OVCH1: variants seen among roughly 807,000 people sequenced by gnomAD.
OVCH1 encodes ovochymase 1, also known as ovochymase-1.
In OVCH1, 139 loss-of-function variants were observed where a neutral mutation model predicts 138.4. The ratio of observed to expected loss-of-function variants is 1.00; its 90% CI spans 0.87 to 1.16. The LOEUF is 1.16. Among genes scored for constraint, OVCH1 ranks in the 50% most tolerant of loss-of-function variants. The probability of loss-of-function intolerance (pLI) is 0.00; values close to 1 mark genes in which losing one functional copy is unlikely to be tolerated. For missense variants in OVCH1, 1,367 were observed against 1,357.9 expected (o/e 1.01, Z -0.11); for synonymous variants, 453 against 467.8 (o/e 0.97, Z 0.41).
intron 22 of OVCH1, among the ~76,000 whole-genome samples, chr12:29,449,076 G>C (rs1290011960): frequency 1.3e-5 from 2 of 152,092 alleles, no homozygotes; most frequent in Non-Finnish European, 2.9e-5. Flanking sequence ...GGGCTGGCAT[G>C]TTTTCACCAA....
chr12:29,462,084 G>C lies in OVCH1; in HGVS notation c.2126-76C>G, dbSNP rs932746894. ...GTTGTTAGAAATGTATTTAAGTTCA[G>C]ATGTAGCTCTGTACCAACATAGCTG... On this transcript the variant is annotated intron_variant, in intron 18 of 27. Coordinates refer to ENST00000318184, the Ensembl canonical transcript of OVCH1. 13 of 1,485,000 alleles carry C rather than the reference G, an allele frequency of 8.8e-6. No homozygotes were observed. The Admixed American group carries it at 2.0e-4, about 22-fold the overall frequency. The allele number at this position is 1,485,000 out of a possible 1,614,324, so 92.0% of individuals were successfully genotyped here.
At chr12:29,471,916 G>A (rs376859701) in exon 16 of OVCH1, 25 of 1,613,384 alleles carry the variant, frequency 1.5e-5, no homozygotes, top group Admixed American at 3.3e-5. Flanking sequence ...GTGGGGGCAG[G>A]CTTCTTCCCC....
chr12:29,405,814 T>C, the OVCH1 span, among the ~76,000 whole-genome samples: 6 of 152,344 alleles, frequency 3.9e-5, no homozygotes, highest in South Asian at 6.2e-4. Context: ...CTTGGTTTCA[T>C]TGTGATCTCA....
chr12:29,410,016 G>A (rs1300249825), downstream of OVCH1, among the ~76,000 whole-genome samples: 4 of 152,078 alleles, frequency 2.6e-5, no homozygotes, highest in Admixed American at 2.0e-4. Context: ...TATATATTTA[G>A]GGCAATTAGC....
At chr12:29,448,650 G>C (rs1487519399) in intron 22 of OVCH1, among the ~76,000 whole-genome samples, 1 of 152,080 alleles carries the variant, frequency 6.6e-6, no homozygotes, top group East Asian at 1.9e-4. Context: ...TGGAGGAGGT[G>C]ATCTGATTCT....
At chr12:29,476,983 C>T in intron 12 of OVCH1, 119 bp downstream of exon 12, 1 of 1,227,266 alleles carries the variant, frequency 8.1e-7, no homozygotes, top group Non-Finnish European at 1.1e-6. Flanking sequence ...AAAAAAATGG[C>T]AAATGGCTAA....
chr12:29,473,057 A>G (rs1322654566), exon 15 of OVCH1: 2 of 1,611,420 alleles, frequency 1.2e-6, no homozygotes, highest in East Asian at 2.2e-5. Flanking sequence ...CGGTAGATAC[A>G]GGATTGTTTT....
exon 15 of OVCH1, chr12:29,473,103 T>C (rs1168323323): frequency 1.3e-6 from 2 of 1,593,164 alleles, no homozygotes; most frequent in African/African-American, 1.4e-5. Flanking sequence ...GTTTAAAGAC[T>C]CTGTAGAAGA....
chr12:29,496,128 A>G, intron 3 of OVCH1, 53 bp downstream of exon 3: 1 of 1,474,520 alleles, frequency 6.8e-7, no homozygotes, highest in East Asian at 2.4e-5. Context: ...CAAATCTGCC[A>G]GTCGCATAGC....
intron 3 of OVCH1, among the ~76,000 whole-genome samples, chr12:29,421,074 T>C (rs1592024861): frequency 6.6e-6 from 1 of 152,206 alleles, no homozygotes; most frequent in East Asian, 1.9e-4. Context: ...CAGGACCCAC[T>C]GTTTTGTGGC....
intron 19 of OVCH1, among the ~76,000 whole-genome samples, chr12:29,458,609 C>T (rs559665218): frequency 6.6e-6 from 1 of 152,160 alleles, no homozygotes; most frequent in African/African-American, 2.4e-5. Context: ...AGTAATACCC[C>T]ACAAGCTCAG....
At chr12:29,472,041 C>T in intron 15 of OVCH1, 59 bp from the exon 16 acceptor site, 1 of 1,468,826 alleles carries the variant, frequency 6.8e-7, no homozygotes, top group Non-Finnish European at 9.2e-7. Flanking sequence ...ACATACTCCT[C>T]CAATAGCTTG....
intron 23 of OVCH1, among the ~76,000 whole-genome samples, 168 bp from the exon 24 acceptor site, chr12:29,444,448 T>C (rs1226306398): frequency 6.6e-6 from 1 of 152,036 alleles, no homozygotes; most frequent in South Asian, 2.1e-4. Context: ...GTCTTAAATA[T>C]TCAAAAGGTA....
chr12:29,497,269 C>CAAACAAAACAAAACAAAACA (rs61697247), intron 1 of OVCH1, among the ~76,000 whole-genome samples: 3,013 of 151,850 alleles, frequency 0.02, 110 homozygotes, highest in African/African-American at 0.068. Context: ...CTCAAACAAA[C>CAAACAAAACAAAACAAAACA]AAACAAAACA....
chr12:29,492,363 T>C (rs1009137850), intron 4 of OVCH1, among the ~76,000 whole-genome samples: 39 of 151,970 alleles, frequency 2.6e-4, no homozygotes, highest in African/African-American at 8.9e-4. Flanking sequence ...AGGTTAGATA[T>C]AGGACTAGAA....
chr12:29,425,219 A>G (rs987360441), downstream of OVCH1, among the ~76,000 whole-genome samples: 1 of 152,196 alleles, frequency 6.6e-6, no homozygotes, highest in Non-Finnish European at 1.5e-5. Flanking sequence ...TGGTATGGAA[A>G]TGATTCTGTC....
At chr12:29,453,768 G>C (rs561812827) in intron 21 of OVCH1, among the ~76,000 whole-genome samples, 128 of 152,134 alleles carry the variant, frequency 8.4e-4, no homozygotes, top group African/African-American at 2.9e-3. Context: ...ACTCCACTTT[G>C]ATTAAGTCTA....
chr12:29,429,964 A>C (rs777034212), intron 27 of OVCH1, among the ~76,000 whole-genome samples: 1 of 152,174 alleles, frequency 6.6e-6, no homozygotes, highest in East Asian at 1.9e-4. Flanking sequence ...CCACTTCAAA[A>C]GCAAACAGCC....
In OVCH1 at chr12:29,464,558, G is replaced by T. The variant is rs1942250453; in HGVS notation, c.2074C>A (p.Leu692Ile). The change falls in exon 18 of 28, where the codon CTA becomes ATA. Residue 692 changes from leucine (L) to isoleucine (I), a missense_variant. By Grantham distance (5) the Leu-to-Ile change is conservative. Coordinates refer to ENST00000318184, the Ensembl canonical transcript of OVCH1. ...ACAGCACAGATCTCCGAGGAAAATA[G>T]AGGCTCTGCGCTGTGTGGGAGACAT... The T allele has an allele frequency of 7.4e-6, 12 of 1,613,474 alleles. No individual in the cohort carries two copies. The East Asian group carries it at 2.7e-4, about 36-fold the overall frequency.
Sources: allele counts gnomAD v4.1 joint callset (sites outside exome capture counted in the v4.1 genomes callset), GRCh38; gene constraint gnomAD v4.1.1; transcripts MANE v1.5; gene names NCBI Gene and HGNC (gene_info 2026-07-23, HGNC 2026-07-21).